The following TNFSF8 variants were observed in gnomAD, a reference collection of about 807,000 sequenced individuals.
TNFSF8 encodes the protein TNF superfamily member 8, also known as tumor necrosis factor ligand superfamily member 8.
TNFSF8 carries 4 observed loss-of-function variants against 22.0 expected under a neutral mutation model. The observed-to-expected ratio is 0.18, with a 90% CI of 0.09 to 0.42. The LOEUF is 0.42. Ranked by LOEUF, TNFSF8 falls within the 10% of genes least tolerant of loss-of-function variation. TNFSF8 has a pLI of 1.00. For synonymous variants in TNFSF8, 106 were observed against 112.5 expected, an observed-to-expected ratio of 0.94 and a Z score of 0.37; for missense variants, 233 against 281.8, an observed-to-expected ratio of 0.83 and a Z score of 1.24.
intron 2 of TNFSF8, among the ~76,000 whole-genome samples, chr9:114,910,906 A>G (rs1244966292): frequency 6.6e-6 from 1 of 152,172 alleles, no homozygotes; most frequent in East Asian, 1.9e-4. Context: ...TTAGCTCTGG[A>G]TCTGTCATTT....
At chr9:114,900,532 G>A (rs1278397454), downstream of TNFSF8, among the ~76,000 whole-genome samples, 1 of 152,158 alleles carries the variant, frequency 6.6e-6, no homozygotes, top group East Asian at 1.9e-4. Flanking sequence ...CTCAGGTCAC[G>A]TCTTTCCAAC....
At chr9:114,921,727 C>T (rs1481499210) in intron 1 of TNFSF8, among the ~76,000 whole-genome samples, 1 of 152,196 alleles carries the variant, frequency 6.6e-6, no homozygotes, top group African/African-American at 2.4e-5. Flanking sequence ...TGCTCAATGA[C>T]TTGGCTTTGT....
chr9:114,905,881 A>G lies in TNFSF8; in HGVS notation c.257T>C (p.Leu86Pro). The G allele has an allele frequency of 6.2e-7, 1 of 1,612,108 alleles. No individual in the cohort carries two copies. The highest frequency in any genetic ancestry group is 8.5e-7 in the Non-Finnish European group (1 of 1,178,262). ...TGGAGCCCTTTTCAGGATACATAAG[A>G]GGTCTTCTGAGCAATTTCCTAAAAA... ...PLKGGNCSED[L>P]LCILKRAPFK... Residue 86 changes from leucine to proline, a missense_variant, in exon 3 of 4, where the codon CTC (leucine) becomes CCC (proline). Physicochemically the swap from Leu to Pro is moderately conservative, Grantham distance 98 (BLOSUM62 -3). Coordinates refer to ENST00000223795, the MANE Select transcript of TNFSF8 (RefSeq NM_001244.4).
At chr9:114,926,677 A>C (rs1354021921) in intron 1 of TNFSF8, among the ~76,000 whole-genome samples, 2 of 152,240 alleles carry the variant, frequency 1.3e-5, no homozygotes, top group South Asian at 4.1e-4. Flanking sequence ...TGAATAAAGC[A>C]AGATGCAAAA....
At chr9:114,904,425 G>A (rs1437228908) in intron 3 of TNFSF8, 100 bp from the exon 4 acceptor site, 1 of 1,467,142 alleles carries the variant, frequency 6.8e-7, no homozygotes, top group African/African-American at 1.4e-5. Flanking sequence ...CAAGACCCAT[G>A]TTTTCTGTAA....
At chr9:114,894,273 A>G (rs1420779276) in intron 4 of TNFSF8, 1 of 889,140 alleles carries the variant, frequency 1.1e-6, no homozygotes, top group Non-Finnish European at 1.8e-6. Flanking sequence ...GCAAATGTAC[A>G]ATCATGCTGT....
At chr9:114,897,285 T>G (rs576529930), downstream of TNFSF8, among the ~76,000 whole-genome samples, 21 of 97,612 alleles carry the variant, frequency 2.2e-4, no homozygotes, top group East Asian at 5.0e-3. Flanking sequence ...TCTTTTGTTT[T>G]GGTATGGCTT....
chr9:114,922,051 G>A (rs957987873), intron 1 of TNFSF8, among the ~76,000 whole-genome samples: 4 of 150,284 alleles, frequency 2.7e-5, no homozygotes, highest in Non-Finnish European at 5.9e-5. Context: ...GTGGTTAGAT[G>A]GCTAATCATC....
rs200403281 is a variant in TNFSF8, at chr9:114,930,099, G to A, written c.195+10C>T. ...AAGAAAAGGAAAGGGAGGAAGAGGA[G>A]TCCACTTACCGTCCTCTGAACGACC... is the stretch of plus-strand genomic sequence containing the variant. On this transcript the variant is annotated intron_variant, in intron 1 of 3. Coordinates refer to ENST00000223795, the MANE Select transcript of TNFSF8 (RefSeq NM_001244.4). 5,408 of 1,463,684 alleles carry A rather than the reference G, an allele frequency of 3.7e-3. 15 individuals carry two copies. The highest frequency in any genetic ancestry group is 4.4e-3 in the Non-Finnish European group (4,836 of 1,098,818). The allele number at this position is 1,463,684 out of a possible 1,614,324, so 90.7% of individuals were successfully genotyped here. A position where few individuals can be genotyped will look rare whatever the true frequency, so the allele number is the denominator to read the frequency against.
At chr9:114,918,230 A>G (rs1200737687) in intron 1 of TNFSF8, 92 bp from the exon 2 acceptor site, 29 of 1,158,184 alleles carry the variant, frequency 2.5e-5, no homozygotes, top group Non-Finnish European at 3.2e-5. Context: ...TCCTTAAAGT[A>G]CTGTGCAATT....
At chr9:114,895,840 A>G (rs761684703) in intron 4 of TNFSF8, among the ~76,000 whole-genome samples, 5 of 152,092 alleles carry the variant, frequency 3.3e-5, no homozygotes, top group Non-Finnish European at 5.9e-5. Context: ...TTCCTTGGCT[A>G]TAGGGAAAGT....
intron 2 of TNFSF8, among the ~76,000 whole-genome samples, chr9:114,906,304 A>T (rs1407811476): frequency 6.6e-6 from 1 of 152,242 alleles, no homozygotes; most frequent in African/African-American, 2.4e-5. Flanking sequence ...GGTGAAATAC[A>T]TTGTTTCGTG....
intron 4 of TNFSF8, among the ~76,000 whole-genome samples, chr9:114,895,334 G>T (rs1367453983): frequency 6.6e-6 from 1 of 152,200 alleles, no homozygotes; most frequent in Admixed American, 6.5e-5. Flanking sequence ...TGCAATCAGT[G>T]CTGCTTCTAG....
At chr9:114,896,701 A>G (rs1451191541), downstream of TNFSF8, among the ~76,000 whole-genome samples, 1 of 152,202 alleles carries the variant, frequency 6.6e-6, no homozygotes, top group African/African-American at 2.4e-5. Context: ...AATAGCATAT[A>G]GATATCTCAG....
chr9:114,900,441 C>T (rs1827702796), downstream of TNFSF8, among the ~76,000 whole-genome samples: 1 of 152,188 alleles, frequency 6.6e-6, no homozygotes, highest in East Asian at 1.9e-4. Flanking sequence ...AGAGAGCTGG[C>T]ATTTGAGCCC....
chr9:114,897,190 TG>T (rs778377977), downstream of TNFSF8, among the ~76,000 whole-genome samples: 4 of 152,188 alleles, frequency 2.6e-5, no homozygotes, highest in African/African-American at 9.7e-5. Flanking sequence ...CATAAGCCAC[TG>T]TCCCCGGCCT....
Position 114,903,650 on chromosome 9 carries a change from G to A in TNFSF8, c.*281C>T. The A allele has an allele frequency of 9.3e-7, 1 of 1,078,660 alleles. No individual in the cohort carries two copies. Among genetic ancestry groups the A allele is most frequent in the Non-Finnish European group, 1.1e-6 (1 of 875,750 alleles). The allele number at this position is 1,078,660 out of a possible 1,614,324, so 66.8% of individuals were successfully genotyped here. Reference sequence around the variant, plus strand: ...TAGATCAAGACCATACAGTGAATTAGAGGTTGGGCTGGGACATCCATTCAT... The same window carrying A: ...TAGATCAAGACCATACAGTGAATTAAAGGTTGGGCTGGGACATCCATTCAT... On this transcript the variant is annotated 3_prime_UTR_variant, in exon 4 of 4. Transcript: ENST00000223795.
At position 114,903,143 on chromosome 9, in the gene TNFSF8, C is replaced by G. The variant is rs1827737777; in HGVS notation, c.*788G>C. Reference sequence around the variant, plus strand: ...TCTCTGTCTGACTTCTTATTCCTGCCTCATGTAACCTAGAGAAGGAGGACT... The same window carrying G: ...TCTCTGTCTGACTTCTTATTCCTGCGTCATGTAACCTAGAGAAGGAGGACT... On this transcript the variant is annotated 3_prime_UTR_variant, in exon 4 of 4. Transcript: ENST00000223795. 5.3e-5 allele frequency: 8 copies of G among 152,256 alleles called. No homozygotes were observed. Among genetic ancestry groups the G allele is most frequent in the Admixed American group, 5.2e-4 (8 of 15,282 alleles). The allele number at this position is 152,256 out of a possible 1,614,324, so 9.4% of individuals were successfully genotyped here. A position where few individuals can be genotyped will look rare whatever the true frequency, so the allele number is the denominator to read the frequency against.
intron 1 of TNFSF8, among the ~76,000 whole-genome samples, chr9:114,929,585 C>T (rs946441485): frequency 7.9e-5 from 12 of 152,018 alleles, no homozygotes; most frequent in African/African-American, 2.9e-4. Flanking sequence ...TCAGAAACCT[C>T]CAGGACACTC....
Sources: gnomAD v4.1 joint callset for allele counts (sites outside exome capture counted in the v4.1 genomes callset) on GRCh38, gnomAD v4.1.1 for gene constraint, MANE v1.5 for transcripts, NCBI Gene and HGNC (gene_info 2026-07-23, HGNC 2026-07-21) for gene names.